Variants in LDLRAD3 observed in about 807,000 individuals in gnomAD.
LDLRAD3 encodes low density lipoprotein receptor class A domain containing 3, also known as low-density lipoprotein receptor class A domain-containing protein 3.
In LDLRAD3, 20 loss-of-function variants were observed where a neutral mutation model predicts 29.4. The observed-to-expected ratio is 0.68, with a 90% CI of 0.48 to 0.99. The LOEUF is 0.99. Among genes scored for constraint, LDLRAD3 ranks in the 50% least tolerant of loss-of-function variants. The pLI is 0.00. For missense variants in LDLRAD3, 420 were observed against 454.3 expected, an observed-to-expected ratio of 0.92 and a Z score of 0.69; for synonymous variants, 157 against 192.7, an observed-to-expected ratio of 0.81 and a Z score of 1.53.
intron 4 of LDLRAD3, among the ~76,000 whole-genome samples, chr11:36,199,906 C>T (rs1855097358): frequency 6.6e-6 from 1 of 152,154 alleles, no homozygotes; most frequent in South Asian, 2.1e-4. Context: ...GTGGCTCATG[C>T]CTGTAATCTC....
At chr11:36,139,125 C>A (rs991838417) in intron 4 of LDLRAD3, among the ~76,000 whole-genome samples, 2 of 152,166 alleles carry the variant, frequency 1.3e-5, no homozygotes, top group African/African-American at 4.8e-5. Context: ...TACTGCTGGT[C>A]TTTTGGACTG....
At chr11:36,008,402 T>C (rs1851911141) in intron 1 of LDLRAD3, among the ~76,000 whole-genome samples, 1 of 152,088 alleles carries the variant, frequency 6.6e-6, no homozygotes, top group African/African-American at 2.4e-5. Flanking sequence ...TCCTATTTGG[T>C]GTTGGGACCT....
intron 4 of LDLRAD3, among the ~76,000 whole-genome samples, chr11:36,162,041 C>A (rs917394515): frequency 1.3e-5 from 2 of 151,800 alleles, no homozygotes; most frequent in East Asian, 1.9e-4. Flanking sequence ...AACTATAAAT[C>A]ATTCCGTTAA....
Position 36,227,183 on chromosome 11 carries a change from CT to C in LDLRAD3, c.554del (p.Leu185ArgfsTer20), listed in dbSNP as rs1271861562. 6.2e-7 allele frequency: 1 copy of C among 1,614,048 alleles called. No individual in the cohort carries two copies. Among genetic ancestry groups the C allele is most frequent in the Non-Finnish European group, 8.5e-7 (1 of 1,180,024 alleles). ...AIIGSSVIFV[L>X]VVALLALVLH... ...CATCGGCAGCTCCGTCATTTTTGTG[CT>C]GGTGGTGGCCCTGCTGGCACTGGTC... On this transcript the variant is annotated frameshift_variant, in exon 5 of 6. Transcript: ENST00000315571. LOFTEE classifies it high-confidence loss of function.
At chr11:36,186,100 C>G (rs1854843965) in intron 4 of LDLRAD3, among the ~76,000 whole-genome samples, 1 of 152,174 alleles carries the variant, frequency 6.6e-6, no homozygotes, top group South Asian at 2.1e-4. Flanking sequence ...AAAACAGACC[C>G]TGGAGTCACC....
Position 36,229,183 on chromosome 11 carries a change from C to T in LDLRAD3, c.824C>T (p.Pro275Leu), listed in dbSNP as rs1313416633. The change falls in exon 6 of 6, where the codon CCA becomes CTA. Residue 275 changes from proline (P) to leucine (L), a missense_variant. Physicochemically the swap from Pro to Leu is moderately conservative, Grantham distance 98 (BLOSUM62 -3). Around this residue, in one of 3 missense-constraint regions of LDLRAD3, gnomAD observed 140 missense variants for 139.9 expected, o/e 1.00. Coordinates refer to ENST00000315571, the MANE Select transcript of LDLRAD3 (RefSeq NM_174902.4). The part of the protein sequence containing the change: ...DQRPAWYDLP[P>L]PPYSSDTESL... ...AGGCCTGCGTGGTATGACCTTCCTCCACCGCCCTACTCTTCTGACACGGAA... is the reference window on the plus strand; with the variant it reads ...AGGCCTGCGTGGTATGACCTTCCTCTACCGCCCTACTCTTCTGACACGGAA... The T allele has an allele frequency of 1.2e-6, 2 of 1,613,938 alleles. No homozygotes were observed. Among genetic ancestry groups the T allele is most frequent in the South Asian group, 1.1e-5 (1 of 91,068 alleles).
In LDLRAD3 at chr11:35,967,414, C is replaced by T. The variant is rs1220597716; in HGVS notation, c.46+23270C>T. 1.6e-5 allele frequency: 5 copies of T among 306,000 alleles called. No homozygotes were observed. The East Asian group carries it at 5.1e-4, about 31-fold the overall frequency. 19.0% of individuals were successfully genotyped at this position (306,000 alleles called of 1,614,324 possible). On this transcript the variant is annotated intron_variant, in intron 1 of 5. Coordinates refer to ENST00000315571, the MANE Select transcript of LDLRAD3 (RefSeq NM_174902.4). The stretch of plus-strand genomic sequence containing the variant: ...TTGCAGCACTGTTGATGGGTAATGT[C>T]CTTACTCCTTCAGCCATTGCAGTGA...
intron 1 of LDLRAD3, among the ~76,000 whole-genome samples, chr11:35,954,519 C>T (rs1851177279): frequency 6.6e-6 from 1 of 152,116 alleles, no homozygotes; most frequent in Non-Finnish European, 1.5e-5. Context: ...AGTTACCCTA[C>T]AAGAAGGAAT....
intron 4 of LDLRAD3, among the ~76,000 whole-genome samples, chr11:36,191,595 TATATACACAC>T (rs1446863573): frequency 9.6e-6 from 1 of 103,908 alleles, no homozygotes; most frequent in African/African-American, 3.9e-5. Context: ...TATATATATA[TATATACACAC>T]ACACACACAC....
intron 2 of LDLRAD3, among the ~76,000 whole-genome samples, chr11:36,046,243 A>G (rs1260794497): frequency 6.6e-6 from 1 of 152,068 alleles, no homozygotes. Flanking sequence ...GTTCCCCTGT[A>G]CCAGCTCTGT....
At chr11:35,954,471 C>T (rs1188659493) in intron 1 of LDLRAD3, among the ~76,000 whole-genome samples, 1 of 152,152 alleles carries the variant, frequency 6.6e-6, no homozygotes, top group Non-Finnish European at 1.5e-5. Flanking sequence ...TGATTCAGTG[C>T]TTGGCATAGT....
intron 4 of LDLRAD3, among the ~76,000 whole-genome samples, chr11:36,121,520 C>A (rs1853757314): frequency 6.6e-6 from 1 of 152,188 alleles, no homozygotes; most frequent in African/African-American, 2.4e-5. Context: ...CCCACTTTGT[C>A]CACCACCACA....
intron 4 of LDLRAD3, among the ~76,000 whole-genome samples, chr11:36,137,881 G>A (rs1258420289): frequency 1.3e-5 from 2 of 152,176 alleles, no homozygotes; most frequent in Non-Finnish European, 2.9e-5. Context: ...TTCTGTGATG[G>A]GTAACTGTTT....
chr11:36,170,520 C>T (rs898418369), intron 4 of LDLRAD3, among the ~76,000 whole-genome samples: 3 of 151,844 alleles, frequency 2.0e-5, no homozygotes, highest in Non-Finnish European at 2.9e-5. Flanking sequence ...GGTAGATACC[C>T]AGTAATGAAA....
intron 1 of LDLRAD3, among the ~76,000 whole-genome samples, chr11:36,013,960 C>T (rs537847535): frequency 6.6e-6 from 1 of 152,226 alleles, no homozygotes; most frequent in South Asian, 2.1e-4. Context: ...AGGCACACCC[C>T]CTTTTTTTTC....
intron 1 of LDLRAD3, among the ~76,000 whole-genome samples, chr11:35,958,753 G>A (rs1461445618): frequency 6.6e-6 from 1 of 152,106 alleles, no homozygotes; most frequent in Non-Finnish European, 1.5e-5. Context: ...TCAAGGGTTG[G>A]GGAAGAGGAA....
intron 2 of LDLRAD3, among the ~76,000 whole-genome samples, chr11:36,066,791 TGG>T (rs1852801849): frequency 6.6e-6 from 1 of 152,166 alleles, no homozygotes; most frequent in Admixed American, 6.5e-5. Context: ...TCAGGGCTGT[TGG>T]GGGGATGAGG....
chr11:36,229,457 A>C lies in LDLRAD3; in HGVS notation c.*60A>C. The stretch of plus-strand genomic sequence containing the variant: ...TGCTCTGACTTGTTGCCATTCTAAC[A>C]ATTTGTGCTCATGGGAAGCTCTTTA... On this transcript the variant is annotated 3_prime_UTR_variant, in exon 6 of 6. Coordinates refer to ENST00000315571, the MANE Select transcript of LDLRAD3 (RefSeq NM_174902.4). The C allele has an allele frequency of 7.9e-7, 1 of 1,264,152 alleles. No homozygotes were observed. The highest frequency in any genetic ancestry group is 1.1e-6 in the Non-Finnish European group (1 of 883,766). The allele number at this position is 1,264,152 out of a possible 1,614,324, so 78.3% of individuals were successfully genotyped here. A position where few individuals can be genotyped will look rare whatever the true frequency, so the allele number is the denominator to read the frequency against.
At chr11:35,996,380 G>A (rs1014933373) in intron 1 of LDLRAD3, among the ~76,000 whole-genome samples, 2 of 152,176 alleles carry the variant, frequency 1.3e-5, no homozygotes, top group African/African-American at 4.8e-5. Flanking sequence ...TTATATGGGT[G>A]TGGTTTGAGG....
Sources: gnomAD v4.1 joint callset for allele counts (sites outside exome capture counted in the v4.1 genomes callset) on GRCh38, gnomAD v4.1.1 for gene constraint, gnomAD v4.1.1 regional missense constraint, MANE v1.5 for transcripts, NCBI Gene and HGNC (gene_info 2026-07-23, HGNC 2026-07-21) for gene names.